The following FARS2 variants were observed in gnomAD, a reference collection of about 807,000 sequenced individuals.
The protein encoded by FARS2 is phenylalanine--tRNA ligase, mitochondrial.
In FARS2, 40 loss-of-function variants were observed where a neutral mutation model predicts 46.4. The ratio of observed to expected loss-of-function variants is 0.86; its 90% CI spans 0.67 to 1.12. The LOEUF (loss-of-function observed/expected upper bound fraction) is 1.12. FARS2 is among the 50% of genes most tolerant of loss of function. The probability of loss-of-function intolerance (pLI) is 0.00; values close to 1 mark genes in which losing one functional copy is unlikely to be tolerated. For missense variants in FARS2, 513 were observed against 567.9 expected (o/e 0.90, Z 0.98); for synonymous variants, 234 against 214.9 (o/e 1.09, Z -0.78).
At chr6:5,468,206 ATGATTT>A (rs1177698834) in intron 4 of FARS2, among the ~76,000 whole-genome samples, 1 of 152,206 alleles carries the variant, frequency 6.6e-6, no homozygotes, top group African/African-American at 2.4e-5. Flanking sequence ...ATCAAAGCCC[ATGATTT>A]TCTAAGTGGC....
At chr6:5,587,128 G>A (rs1201841647) in intron 5 of FARS2, among the ~76,000 whole-genome samples, 1 of 152,108 alleles carries the variant, frequency 6.6e-6, no homozygotes, top group South Asian at 2.1e-4. Flanking sequence ...TTTGACCTTT[G>A]TCAATTCATT....
chr6:5,730,060 C>A (rs1247392525), intron 6 of FARS2, among the ~76,000 whole-genome samples: 1 of 152,248 alleles, frequency 6.6e-6, no homozygotes, highest in Non-Finnish European at 1.5e-5. Context: ...CACTGGTCTA[C>A]AGGAATCACA....
intron 6 of FARS2, among the ~76,000 whole-genome samples, chr6:5,730,859 T>A (rs1245376442): frequency 6.6e-6 from 1 of 152,204 alleles, no homozygotes; most frequent in Non-Finnish European, 1.5e-5. Context: ...ACGGATTAAC[T>A]CCGTTAATCC....
chr6:5,286,128 A>G (rs1304028653), intron 1 of FARS2, among the ~76,000 whole-genome samples: 1 of 152,184 alleles, frequency 6.6e-6, no homozygotes, highest in Admixed American at 6.5e-5. Context: ...GCTTGCATTT[A>G]GTACACTCTA....
chr6:5,377,114 A>T (rs2432748), intron 2 of FARS2, among the ~76,000 whole-genome samples: 1 of 152,190 alleles, frequency 6.6e-6, no homozygotes, highest in East Asian at 1.9e-4. Context: ...AAGAATGGTG[A>T]ATTTCAAGTA....
At chr6:5,432,255 G>A (rs1763211698) in intron 4 of FARS2, among the ~76,000 whole-genome samples, 1 of 142,564 alleles carries the variant, frequency 7.0e-6, no homozygotes, top group Non-Finnish European at 1.5e-5. Flanking sequence ...GGCGGAGGTT[G>A]CAGTGAGCCG....
chr6:5,307,852 G>A (rs948852297), intron 1 of FARS2, among the ~76,000 whole-genome samples: 4 of 152,102 alleles, frequency 2.6e-5, no homozygotes, highest in Non-Finnish European at 5.9e-5. Context: ...TCAGGGGTCA[G>A]CCTCAAGGCT....
chr6:5,455,743 C>T (rs1399415166), intron 4 of FARS2, among the ~76,000 whole-genome samples: 1 of 152,156 alleles, frequency 6.6e-6, no homozygotes, highest in African/African-American at 2.4e-5. Flanking sequence ...CATCGGAGGC[C>T]TGGACAATAG....
chr6:5,706,355 G>A (rs886162865), intron 6 of FARS2, among the ~76,000 whole-genome samples: 3 of 152,180 alleles, frequency 2.0e-5, no homozygotes, highest in African/African-American at 7.2e-5. Context: ...GCTCTCTGAG[G>A]GCAGGGGCTG....
intron 4 of FARS2, among the ~76,000 whole-genome samples, chr6:5,504,265 TATA>T: frequency 6.6e-6 from 1 of 152,182 alleles, no homozygotes; most frequent in East Asian, 1.9e-4. Flanking sequence ...TGAAAAGGCT[TATA>T]ATATTGCATC....
chr6:5,540,482 T>C (rs1312275963), intron 4 of FARS2, among the ~76,000 whole-genome samples: 2 of 152,162 alleles, frequency 1.3e-5, no homozygotes, highest in Non-Finnish European at 2.9e-5. Flanking sequence ...AACTTTGCTT[T>C]TCAGAACACC....
intron 1 of FARS2, among the ~76,000 whole-genome samples, chr6:5,286,020 T>G (rs1219070137): frequency 6.7e-6 from 1 of 150,072 alleles, no homozygotes; most frequent in Non-Finnish European, 1.5e-5. Context: ...ATTTCACATG[T>G]GATAGCTGTT....
At chr6:5,539,384 G>GTGTATATATATATATATATATA in intron 4 of FARS2, among the ~76,000 whole-genome samples, 953 of 79,476 alleles carry the variant, frequency 0.012, 90 homozygotes, top group East Asian at 0.051. Context: ...TTTTTTTTGT[G>GTGTATATATATATATATATATA]TATATATATA....
chr6:5,250,454 A>C, the FARS2 span, among the ~76,000 whole-genome samples: 1 of 152,222 alleles, frequency 6.6e-6, no homozygotes, highest in African/African-American at 2.4e-5. Flanking sequence ...TTCTACTCTA[A>C]GTTAACCGTA....
chr6:5,251,106 A>G, the FARS2 span, among the ~76,000 whole-genome samples: 4 of 152,272 alleles, frequency 2.6e-5, no homozygotes, highest in African/African-American at 9.6e-5. Flanking sequence ...CCATACTACA[A>G]TCTTGTGACA....
rs1200517264 is a variant in FARS2 at position 5,311,761 on chromosome 6, G to A, written c.-22+50101G>A. On this transcript the variant is annotated intron_variant, in intron 1 of 6. Coordinates refer to ENST00000274680, the MANE Select transcript of FARS2 (RefSeq NM_006567.5). This position sits in a 1 kb window ranked among gnomAD's most constrained non-coding sequence, Gnocchi z 4.1. ...ATGGAGGGTAAGTGAGAACGTAATG[G>A]TTTGTACTTGTTGGGAAGAAGCAGC... Among the ~76,000 whole-genome samples, 1 of 152,096 alleles carries A rather than the reference G, an allele frequency of 6.6e-6. No homozygotes were observed. The highest frequency in any genetic ancestry group is 2.4e-5 in the African/African-American group (1 of 41,390).
chr6:5,412,786 C>G (rs189683910), intron 3 of FARS2, among the ~76,000 whole-genome samples: 4 of 152,128 alleles, frequency 2.6e-5, no homozygotes, highest in Non-Finnish European at 5.9e-5. Flanking sequence ...CTGCTGTTGC[C>G]TGGCTTGGGG....
chr6:5,302,402 C>T (rs1030978403), intron 1 of FARS2, among the ~76,000 whole-genome samples: 8 of 152,030 alleles, frequency 5.3e-5, no homozygotes, highest in African/African-American at 1.5e-4. Context: ...GTCAGAGAGT[C>T]GCAAAGCTGC....
intron 2 of FARS2, among the ~76,000 whole-genome samples, chr6:5,397,042 A>G (rs549715528): frequency 6.6e-6 from 1 of 152,354 alleles, no homozygotes; most frequent in Admixed American, 6.5e-5. Context: ...GTATAAAATA[A>G]CTGTATGAAA....
Sources: allele counts gnomAD v4.1 joint callset (sites outside exome capture counted in the v4.1 genomes callset), GRCh38; gene constraint gnomAD v4.1.1; non-coding constraint Gnocchi (gnomAD v3.1); transcripts MANE v1.5; gene names NCBI Gene and HGNC (gene_info 2026-07-23, HGNC 2026-07-21).